Variants in TET2 observed in about 807,000 individuals in gnomAD.
TET2 encodes tet methylcytosine dioxygenase 2, also known as methylcytosine dioxygenase TET2.
Under a neutral mutation model 142.9 loss-of-function variants are expected in TET2, and 299 were observed. The observed-to-expected ratio is 2.09, with a 90% CI of 1.90 to 2.30. The LOEUF (loss-of-function observed/expected upper bound fraction) is 2.30, where lower values mean the gene tolerates loss of function less well. TET2 is among the 30% of genes most tolerant of loss of function. The probability of loss-of-function intolerance (pLI) is 0.00; values close to 1 mark genes in which losing one functional copy is unlikely to be tolerated. For synonymous variants in TET2, 819 were observed against 849.0 expected (o/e 0.96, Z 0.61); for missense variants, 2,418 against 2,378.0 (o/e 1.02, Z -0.35).
chr4:105,184,605 G>A (rs1725316351), intron 1 of TET2, among the ~76,000 whole-genome samples: 4 of 152,150 alleles, frequency 2.6e-5, no homozygotes. Context: ...TTTGACTACT[G>A]TAGTGGTTTT....
Position 105,278,171 on chromosome 4 carries a change from C to CATACATATAT in TET2, c.*1655_*1656insCATATATATA, listed in dbSNP as rs577624044. ...GTACTGTAAAAAAATTAAATATATA[C>CATACATATAT]ATATATATATATATATATATATATA... On this transcript the variant is annotated 3_prime_UTR_variant, in exon 11 of 11. Transcript: ENST00000380013. 187 of 114,088 alleles carry CATACATATAT rather than the reference C, an allele frequency of 1.6e-3. No individual in the cohort carries two copies. Among genetic ancestry groups the CATACATATAT allele is most frequent in the African/African-American group, 7.0e-3 (171 of 24,404 alleles). The allele number at this position is 114,088 out of a possible 1,614,324, so 7.1% of individuals were successfully genotyped here. A position where few individuals can be genotyped will look rare whatever the true frequency, so the allele number is the denominator to read the frequency against.
rs191713232 is a variant in TET2, at chr4:105,240,549, C to G, written c.3410-790C>G. The G allele has an allele frequency of 5.7e-5, 62 of 1,079,264 alleles. No individual in the cohort carries two copies. In the East Asian group the frequency reaches 2.6e-3, roughly 45 times the overall value. 66.9% of individuals were successfully genotyped at this position (1,079,264 alleles called of 1,614,324 possible). Reference sequence around the variant, plus strand: ...TTTTCCCTCTTGCAATGAGATACCCCACACTGTGTAGAAGGATGGAGGGAG... The same window carrying G: ...TTTTCCCTCTTGCAATGAGATACCCGACACTGTGTAGAAGGATGGAGGGAG... On this transcript the variant is annotated intron_variant, in intron 3 of 10. Coordinates refer to ENST00000380013, the MANE Select transcript of TET2 (RefSeq NM_001127208.3).
At chr4:105,259,292 A>G (rs1489853997) in intron 6 of TET2, among the ~76,000 whole-genome samples, 1 of 152,140 alleles carries the variant, frequency 6.6e-6, no homozygotes. Context: ...TGTTAGGGAG[A>G]CAGACAGTGA....
chr4:105,229,380 G>A (rs1223462835), intron 2 of TET2, among the ~76,000 whole-genome samples: 1 of 152,038 alleles, frequency 6.6e-6, no homozygotes, highest in East Asian at 1.9e-4. Context: ...GCGCGATCTC[G>A]GCTCACTGCA....
At chr4:105,159,296 AG>A (rs1441298772) in intron 1 of TET2, among the ~76,000 whole-genome samples, 2 of 148,378 alleles carry the variant, frequency 1.3e-5, no homozygotes, top group Non-Finnish European at 3.0e-5. Flanking sequence ...CTTGCTGCCA[AG>A]GTTGGAGTGC....
intron 2 of TET2, among the ~76,000 whole-genome samples, chr4:105,201,734 T>TC: frequency 7.8e-6 from 1 of 128,576 alleles, no homozygotes; most frequent in Non-Finnish European, 1.7e-5. Context: ...TCCAGGACCT[T>TC]TTTTTTTTTT....
rs1490692006 is a variant in TET2, at chr4:105,235,442, G to C, written c.1500G>C (p.Leu500Phe). The change falls in exon 3 of 11, where the codon TTG becomes TTC. Residue 500 changes from leucine to phenylalanine, a missense_variant. Leu to Phe is a conservative substitution (Grantham distance 22). Transcript: ENST00000380013. ...IQTAGTMTVP[L>F]CSEKTRPMSE... is the part of the protein sequence containing the mutation. ...CTGCAGGGACAATGACTGTTCCATT[G>C]TGTTCTGAGAAAACAAGACCAATGT... 2 of 1,614,160 alleles carry C rather than the reference G, an allele frequency of 1.2e-6. No individual in the cohort carries two copies. Among genetic ancestry groups the C allele is most frequent in the East Asian group, 2.2e-5 (1 of 44,874 alleles).
intron 6 of TET2, among the ~76,000 whole-genome samples, chr4:105,258,292 G>A (rs1730242391): frequency 7.2e-6 from 1 of 137,968 alleles, no homozygotes; most frequent in South Asian, 2.3e-4. Context: ...TGCCATTTTT[G>A]CTGACATGTG....
At chr4:105,250,903 A>G (rs1177031150) in intron 6 of TET2, among the ~76,000 whole-genome samples, 1 of 151,658 alleles carries the variant, frequency 6.6e-6, no homozygotes, top group Non-Finnish European at 1.5e-5. Context: ...GCTGGTCTCA[A>G]ACACCTGGCC....
At chr4:105,263,427 A>C (rs571514423) in intron 8 of TET2, among the ~76,000 whole-genome samples, 1 of 152,378 alleles carries the variant, frequency 6.6e-6, no homozygotes, top group South Asian at 2.1e-4. Flanking sequence ...GGCAGGAATT[A>C]AGTATGTACA....
chr4:105,157,396 A>G (rs1003323456), intron 1 of TET2, among the ~76,000 whole-genome samples: 1 of 152,190 alleles, frequency 6.6e-6, no homozygotes, highest in African/African-American at 2.4e-5. Flanking sequence ...ACCTTGTTTT[A>G]TAGATTTTAT....
intron 6 of TET2, among the ~76,000 whole-genome samples, chr4:105,251,786 A>G (rs1729881718): frequency 6.6e-6 from 1 of 152,192 alleles, no homozygotes; most frequent in Admixed American, 6.6e-5. Flanking sequence ...AAGAGTTTAC[A>G]AAGGATTGGT....
At chr4:105,224,802 T>C (rs1728085130) in intron 2 of TET2, among the ~76,000 whole-genome samples, 1 of 151,766 alleles carries the variant, frequency 6.6e-6, no homozygotes, top group Admixed American at 6.6e-5. Flanking sequence ...GTTGCATGTT[T>C]CTATTTATGT....
chr4:105,256,020 A>C (rs918492047), intron 6 of TET2, among the ~76,000 whole-genome samples: 1 of 152,122 alleles, frequency 6.6e-6, no homozygotes, highest in East Asian at 1.9e-4. Flanking sequence ...TTGTTCCCAT[A>C]TAGCTACATT....
chr4:105,223,849 C>T (rs1187160016), intron 2 of TET2, among the ~76,000 whole-genome samples: 5 of 151,926 alleles, frequency 3.3e-5, no homozygotes, highest in Admixed American at 1.3e-4. Flanking sequence ...CAGTGATTCC[C>T]GTAAGTTTGA....
chr4:105,244,408 G>A (rs192011206), intron 6 of TET2, among the ~76,000 whole-genome samples: 1 of 152,032 alleles, frequency 6.6e-6, no homozygotes, highest in Non-Finnish European at 1.5e-5. Context: ...GCAAGAGTAT[G>A]CACTTAAATA....
rs1048995426 is a variant in TET2 at position 105,236,769 on chromosome 4, C to T, written c.2827C>T (p.Gln943Ter). 5 of 1,614,104 alleles carry T rather than the reference C, an allele frequency of 3.1e-6. No homozygotes were observed. Among genetic ancestry groups the T allele is most frequent in the Admixed American group, 1.7e-5 (1 of 59,996 alleles). ...QGGSHTQTPP[Q>*]KDTQKHAALR... ...AGGAAGTCACACTCAGACCCCTCCC[C>T]AGAAGGACACTCAAAAGCATGCTGC... The change falls in exon 3 of 11, where the codon CAG (glutamine) becomes TAG (stop). Residue 943 changes from glutamine (Q) to a stop codon, truncating the protein, a stop_gained. Coordinates refer to ENST00000380013, the MANE Select transcript of TET2 (RefSeq NM_001127208.3). LOFTEE classifies it high-confidence loss of function.
Position 105,261,849 on chromosome 4 carries a change from G to GTC in TET2, c.4044+2_4044+3insCT. 1 of 1,527,422 alleles carries GTC rather than the reference G, an allele frequency of 6.5e-7. No individual in the cohort carries two copies. Among genetic ancestry groups the GTC allele is most frequent in the Non-Finnish European group, 8.9e-7 (1 of 1,128,086 alleles). The allele number at this position is 1,527,422 out of a possible 1,614,324, so 94.6% of individuals were successfully genotyped here. On this transcript the variant is annotated splice_donor_variant, in intron 8 of 10. Transcript: ENST00000380013. LOFTEE classifies it high-confidence loss of function. ...TGCACCTGATGCATATAATAATCAG[G>GTC]TAAGTTTAAATAATCATTGGCAGCA... is the stretch of plus-strand genomic sequence containing the variant.
At chr4:105,229,607 C>T (rs1728384948) in intron 2 of TET2, among the ~76,000 whole-genome samples, 1 of 151,516 alleles carries the variant, frequency 6.6e-6, no homozygotes, top group Non-Finnish European at 1.5e-5. Flanking sequence ...CCGTGCCTGG[C>T]CTTTTATTTT....
Sources: allele counts gnomAD v4.1 joint callset (sites outside exome capture counted in the v4.1 genomes callset), GRCh38; gene constraint gnomAD v4.1.1; transcripts MANE v1.5; gene names NCBI Gene and HGNC (gene_info 2026-07-23, HGNC 2026-07-21).